The following TEX101 variants were observed in gnomAD, a reference collection of about 807,000 sequenced individuals.
The protein encoded by TEX101 is testis-expressed protein 101.
Under a neutral mutation model 18.1 loss-of-function variants are expected in TEX101, and 10 were observed. That is an observed-to-expected ratio of 0.55 (90% confidence interval 0.34 to 0.94). The LOEUF is 0.94. Among genes scored for constraint, TEX101 ranks in the 40% least tolerant of loss-of-function variants. The probability of loss-of-function intolerance (pLI) is 0.02; values close to 1 mark genes in which losing one functional copy is unlikely to be tolerated. For synonymous variants in TEX101, 94 were observed against 114.8 expected (o/e 0.82, Z 1.16); for missense variants, 259 against 298.9 (o/e 0.87, Z 0.98).
At chr19:43,398,308 G>A (rs1252563790), upstream of TEX101, among the ~76,000 whole-genome samples, 8 of 138,570 alleles carry the variant, frequency 5.8e-5, no homozygotes, top group South Asian at 8.7e-4. Context: ...ACAGAGTCTC[G>A]CTCTGTTGCC....
chr19:43,405,684 G>C (rs1195915493), intron 2 of TEX101, among the ~76,000 whole-genome samples: 1 of 152,084 alleles, frequency 6.6e-6, no homozygotes, highest in Non-Finnish European at 1.5e-5. Flanking sequence ...CAGCATTTTG[G>C]GAGGCCAAGG....
chr19:43,389,437 C>G, the TEX101 span, among the ~76,000 whole-genome samples: 1 of 152,036 alleles, frequency 6.6e-6, no homozygotes, highest in Admixed American at 6.6e-5. Flanking sequence ...CTTCTGGACT[C>G]CAGGGCCAGC....
At chr19:43,401,029 G>C (rs1027144289), upstream of TEX101, among the ~76,000 whole-genome samples, 1 of 152,070 alleles carries the variant, frequency 6.6e-6, no homozygotes, top group Admixed American at 6.5e-5. Context: ...CCTCCTCTTG[G>C]AAACTTACTT....
upstream of TEX101, among the ~76,000 whole-genome samples, chr19:43,410,377 C>G (rs561936961): frequency 2.6e-3 from 395 of 152,094 alleles, no homozygotes; most frequent in African/African-American, 8.6e-3. Context: ...GCCAAAGAGG[C>G]TGGAAGAGAC....
At chr19:43,411,689 T>A (rs1254703214), upstream of TEX101, among the ~76,000 whole-genome samples, 1 of 152,044 alleles carries the variant, frequency 6.6e-6, no homozygotes, top group Non-Finnish European at 1.5e-5. Flanking sequence ...TTGCTCTTGT[T>A]GCCCAGGCTG....
chr19:43,417,369 G>A (rs978060840), intron 4 of TEX101, among the ~76,000 whole-genome samples: 12 of 152,102 alleles, frequency 7.9e-5, no homozygotes, highest in Non-Finnish European at 1.8e-4. Flanking sequence ...AATATGAGTC[G>A]TGCAACTTCT....
At chr19:43,416,950 T>G (rs1970485938) in intron 4 of TEX101, among the ~76,000 whole-genome samples, 1 of 151,276 alleles carries the variant, frequency 6.6e-6, no homozygotes, top group African/African-American at 2.4e-5. Context: ...GGAGAATTGC[T>G]TGAACCCAGG....
At chr19:43,390,847 C>T in the TEX101 span, among the ~76,000 whole-genome samples, 3 of 151,666 alleles carry the variant, frequency 2.0e-5, no homozygotes, top group Non-Finnish European at 4.4e-5. Context: ...TCCATCCCCA[C>T]CCAGAACTTT....
chr19:43,389,393 TTTTAA>T, the TEX101 span, among the ~76,000 whole-genome samples: 3 of 152,192 alleles, frequency 2.0e-5, no homozygotes, highest in Non-Finnish European at 4.4e-5. Flanking sequence ...TTTGTTTTTG[TTTTAA>T]TTTTTTGAGT....
At chr19:43,405,859 G>A (rs1297332866) in intron 2 of TEX101, among the ~76,000 whole-genome samples, 1 of 151,976 alleles carries the variant, frequency 6.6e-6, no homozygotes, top group Non-Finnish European at 1.5e-5. Context: ...AGGTTGCAGT[G>A]AGCTGAGATC....
the TEX101 span, among the ~76,000 whole-genome samples, chr19:43,390,628 C>T: frequency 5.3e-5 from 8 of 151,388 alleles, no homozygotes; most frequent in Non-Finnish European, 1.0e-4. Context: ...CCACCACGCC[C>T]GGCTAATTTT....
chr19:43,417,305 A>G (rs1970490640), intron 4 of TEX101, among the ~76,000 whole-genome samples: 1 of 151,544 alleles, frequency 6.6e-6, no homozygotes. Context: ...GCCATAAAAA[A>G]CAAAAACAAA....
intron 3 of TEX101, among the ~76,000 whole-genome samples, chr19:43,406,762 T>C (rs1970367843): frequency 6.6e-6 from 1 of 152,084 alleles, no homozygotes; most frequent in African/African-American, 2.4e-5. Context: ...CTCCTGGGTC[T>C]TGGATTTGCA....
upstream of TEX101, among the ~76,000 whole-genome samples, chr19:43,412,031 T>G (rs1187944191): frequency 6.6e-6 from 1 of 152,198 alleles, no homozygotes; most frequent in Non-Finnish European, 1.5e-5. Context: ...AAGGAAGATC[T>G]GTCAATCTCT....
At chr19:43,393,619 G>A in the TEX101 span, among the ~76,000 whole-genome samples, 3 of 152,142 alleles carry the variant, frequency 2.0e-5, no homozygotes, top group Non-Finnish European at 2.9e-5. Flanking sequence ...CACATCATCA[G>A]CACTTGGCAT....
At chr19:43,406,081 C>CAAAAAAAAAAAAA (rs34029449) in intron 2 of TEX101, 2,147 of 58,722 alleles carry the variant, frequency 0.037, 325 homozygotes, top group East Asian at 0.054. Context: ...CCTGTCTCTA[C>CAAAAAAAAAAAAA]AAAAAAAAAA....
At chr19:43,414,820 T>C (rs750449429), upstream of TEX101, 45 of 984,246 alleles carry the variant, frequency 4.6e-5, no homozygotes, top group Non-Finnish European at 5.4e-5. Flanking sequence ...AATGAACTTA[T>C]CCGATGCTTT....
intron 3 of TEX101, chr19:43,406,537 G>A (rs1481816074): frequency 1.4e-6 from 1 of 692,920 alleles, no homozygotes; most frequent in East Asian, 2.7e-5. Flanking sequence ...GGCCTTGCGG[G>A]CTGTGGGTGA....
intron 2 of TEX101, among the ~76,000 whole-genome samples, chr19:43,403,426 G>T (rs1363239471): frequency 6.6e-6 from 1 of 152,040 alleles, no homozygotes; most frequent in Non-Finnish European, 1.5e-5. Context: ...GGACACCGGG[G>T]CCTGTCTTGG....
Sources: allele counts gnomAD v4.1 joint callset (sites outside exome capture counted in the v4.1 genomes callset), GRCh38; gene constraint gnomAD v4.1.1; transcripts MANE v1.5; gene names NCBI Gene and HGNC (gene_info 2026-07-23, HGNC 2026-07-21).